The following NT5C2 variants were observed in gnomAD, a reference collection of about 807,000 sequenced individuals.
NT5C2 encodes cytosolic purine 5'-nucleotidase.
NT5C2 carries 58 observed loss-of-function variants against 76.1 expected under a neutral mutation model. That is an observed-to-expected ratio of 0.76 (90% CI 0.62 to 0.95). The LOEUF is 0.95. Among genes scored for constraint, NT5C2 ranks in the 40% least tolerant of loss-of-function variants. The pLI, the probability that NT5C2 is intolerant of heterozygous loss-of-function variation, is 0.00. For synonymous variants in NT5C2, 229 were observed against 237.4 expected, an observed-to-expected ratio of 0.96 and a Z score of 0.32; for missense variants, 478 against 690.3, an observed-to-expected ratio of 0.69 and a Z score of 3.45.
intron 1 of NT5C2, among the ~76,000 whole-genome samples, chr10:103,187,678 A>G (rs1007430217): frequency 5.3e-5 from 8 of 152,102 alleles, no homozygotes; most frequent in African/African-American, 1.9e-4. Context: ...TTGATACAGA[A>G]TGTTTGAGCT....
chr10:103,090,797 A>G lies in NT5C2; in HGVS notation c.1273-10T>C, dbSNP rs1401299949. 1.2e-6 allele frequency: 2 copies of G among 1,613,506 alleles called. No individual in the cohort carries two copies. Among genetic ancestry groups the G allele is most frequent in the Non-Finnish European group, 1.7e-6 (2 of 1,179,634 alleles). On this transcript the variant is annotated splice_polypyrimidine_tract_variant and intron_variant, in intron 17 of 18. Transcript: ENST00000404739. ...TGTCATGAGTTACTTTCTAAAACAA[A>G]GAACAAGATTGATTCTTGGCTCATT...
At chr10:103,188,524 G>A (rs1247658068) in intron 1 of NT5C2, among the ~76,000 whole-genome samples, 3 of 152,126 alleles carry the variant, frequency 2.0e-5, no homozygotes, top group African/African-American at 7.2e-5. Context: ...GACAAAAAAT[G>A]CAAAACATTT....
At chr10:103,139,018 A>C (rs1052492365) in intron 4 of NT5C2, among the ~76,000 whole-genome samples, 8 of 152,218 alleles carry the variant, frequency 5.3e-5, no homozygotes, top group Non-Finnish European at 1.0e-4. Flanking sequence ...AAAAAAAAAA[A>C]AACTAAAATT....
intron 4 of NT5C2, among the ~76,000 whole-genome samples, chr10:103,110,015 T>A (rs965884580): frequency 6.6e-6 from 1 of 152,198 alleles, no homozygotes; most frequent in African/African-American, 2.4e-5. Context: ...TAAATTTCCT[T>A]TTTCTCAATG....
chr10:103,100,935 C>G (rs1455439918), intron 8 of NT5C2, 110 bp downstream of exon 8: 1 of 746,686 alleles, frequency 1.3e-6, no homozygotes, highest in South Asian at 1.5e-5. Flanking sequence ...CTCACTAGCA[C>G]TAAATTCACT....
At chr10:103,138,492 TCAATG>T (rs961900284) in intron 4 of NT5C2, among the ~76,000 whole-genome samples, 1 of 152,174 alleles carries the variant, frequency 6.6e-6, no homozygotes, top group Non-Finnish European at 1.5e-5. Context: ...TCATGTGTTC[TCAATG>T]TTCAACTCCC....
chr10:103,096,258 G>A (rs1016586793), intron 11 of NT5C2, among the ~76,000 whole-genome samples: 1 of 152,214 alleles, frequency 6.6e-6, no homozygotes, highest in African/African-American at 2.4e-5. Context: ...AGGAGCATAT[G>A]AGGTAGGGGT....
intron 4 of NT5C2, among the ~76,000 whole-genome samples, chr10:103,124,218 T>C (rs1272127329): frequency 2.6e-5 from 4 of 152,312 alleles, no homozygotes; most frequent in Non-Finnish European, 5.9e-5. Context: ...AGAATTTTTT[T>C]TTTTTTAATT....
At chr10:103,168,670 TGAA>T (rs1386192312) in intron 3 of NT5C2, among the ~76,000 whole-genome samples, 3 of 152,112 alleles carry the variant, frequency 2.0e-5, no homozygotes, top group African/African-American at 7.2e-5. Flanking sequence ...CATAAGGAAA[TGAA>T]GAAGGAGCAA....
At chr10:103,129,235 G>T (rs1192306672) in intron 4 of NT5C2, among the ~76,000 whole-genome samples, 2 of 98,520 alleles carry the variant, frequency 2.0e-5, no homozygotes, top group Admixed American at 9.1e-5. Context: ...CAGCCACCCC[G>T]TCCGGGAGGG....
At chr10:103,104,392 C>T (rs916669053) in intron 6 of NT5C2, among the ~76,000 whole-genome samples, 6 of 152,180 alleles carry the variant, frequency 3.9e-5, no homozygotes, top group Admixed American at 1.3e-4. Context: ...CCTTATAATA[C>T]AAAAATTCCT....
chr10:103,099,093 G>A (rs1299330697), intron 9 of NT5C2, 109 bp from the exon 10 acceptor site: 1 of 857,798 alleles, frequency 1.2e-6, no homozygotes, highest in Non-Finnish European at 1.9e-6. Flanking sequence ...TTCTTTTTTT[G>A]AGACAAGGTC....
At chr10:103,187,228 C>T (rs1211451913) in intron 1 of NT5C2, among the ~76,000 whole-genome samples, 1 of 151,128 alleles carries the variant, frequency 6.6e-6, no homozygotes. Context: ...CCAGCTTGGG[C>T]AACACAGAGA....
chr10:103,103,945 C>CT (rs2070472564), intron 6 of NT5C2, among the ~76,000 whole-genome samples: 1 of 152,186 alleles, frequency 6.6e-6, no homozygotes, highest in South Asian at 2.1e-4. Flanking sequence ...CCTCAACCTC[C>CT]TGGGCTCAAG....
chr10:103,108,070 G>A (rs1482316835), intron 4 of NT5C2, among the ~76,000 whole-genome samples: 1 of 151,992 alleles, frequency 6.6e-6, no homozygotes. Context: ...CAGGAGAATC[G>A]CTTGAACCCA....
chr10:103,130,583 T>TAAAAAAAAAAAA (rs5787482), intron 4 of NT5C2, among the ~76,000 whole-genome samples: 2 of 137,370 alleles, frequency 1.5e-5, no homozygotes, highest in Non-Finnish European at 3.1e-5. Context: ...AAATAAAAAT[T>TAAAAAAAAAAAA]AAAAAAAAAA....
intron 4 of NT5C2, among the ~76,000 whole-genome samples, chr10:103,138,696 A>C (rs909424568): frequency 6.6e-6 from 1 of 152,222 alleles, no homozygotes; most frequent in Non-Finnish European, 1.5e-5. Flanking sequence ...AAATGAACAC[A>C]TTTCCCATCT....
In NT5C2 at chr10:103,174,952, T is replaced by G. The variant is rs10883841; in HGVS notation, c.7A>C (p.Thr3Pro). The G allele has an allele frequency of 1.2e-6, 2 of 1,600,908 alleles. No homozygotes were observed. Among genetic ancestry groups the G allele is most frequent in the South Asian group, 1.1e-5 (1 of 90,622 alleles). ...TTCTGTAACCGATCACTCCAGGAGGTTGACATTTTATTTTAACTGTATTTT... is the reference window on the plus strand; with the variant it reads ...TTCTGTAACCGATCACTCCAGGAGGGTGACATTTTATTTTAACTGTATTTT... MS[T>P]SWSDRLQNAA... The change falls in exon 3 of 19, where the codon ACC becomes CCC. Residue 3 changes from threonine to proline, a missense_variant. Transcript: ENST00000404739.
intron 1 of NT5C2, among the ~76,000 whole-genome samples, chr10:103,185,649 C>CAAAAAAAAAAAAAAAAGTAAAA (rs78374465): frequency 1.4e-5 from 1 of 71,170 alleles, no homozygotes. Flanking sequence ...ACCCTGTCTC[C>CAAAAAAAAAAAAAAAAGTAAAA]AAAAAAAAAA....
Sources: allele counts gnomAD v4.1 joint callset (sites outside exome capture counted in the v4.1 genomes callset), GRCh38; gene constraint gnomAD v4.1.1; transcripts MANE v1.5; gene names NCBI Gene and HGNC (gene_info 2026-07-23, HGNC 2026-07-21).